The following IQCM variants were observed in gnomAD, a reference collection of about 807,000 sequenced individuals.
IQCM encodes IQ motif containing M.
In IQCM, 45 loss-of-function variants were observed where a neutral mutation model predicts 57.6. That is an observed-to-expected ratio of 0.78 (90% CI 0.62 to 1.00). The LOEUF (loss-of-function observed/expected upper bound fraction) is 1.00. IQCM is among the 50% of genes least tolerant of loss of function. The pLI is 0.00. For synonymous variants in IQCM, 148 were observed against 158.9 expected (o/e 0.93, Z 0.51); for missense variants, 468 against 511.6 (o/e 0.91, Z 0.82).
intron 9 of IQCM, among the ~76,000 whole-genome samples, chr4:149,565,578 C>A (rs1316402047): frequency 6.6e-6 from 1 of 152,094 alleles, no homozygotes; most frequent in Non-Finnish European, 1.5e-5. Context: ...GAGAAAATTT[C>A]CCACCCACTA....
chr4:149,617,909 A>C (rs1755944197), intron 8 of IQCM, among the ~76,000 whole-genome samples: 1 of 152,202 alleles, frequency 6.6e-6, no homozygotes, highest in Admixed American at 6.5e-5. Context: ...AAGGATAAAA[A>C]TAATTTAAAT....
chr4:149,442,674 T>C (rs1228360138), intron 12 of IQCM, among the ~76,000 whole-genome samples: 1 of 152,008 alleles, frequency 6.6e-6, no homozygotes, highest in Non-Finnish European at 1.5e-5. Flanking sequence ...AACAGTCTGT[T>C]TATAATTAGA....
At chr4:149,744,136 A>G (rs747932345) in intron 2 of IQCM, among the ~76,000 whole-genome samples, 5 of 152,216 alleles carry the variant, frequency 3.3e-5, no homozygotes, top group African/African-American at 4.8e-5. Flanking sequence ...GCTTCTACCC[A>G]GAGCGGGGAA....
chr4:149,603,043 G>C (rs893895015), intron 8 of IQCM, among the ~76,000 whole-genome samples: 11 of 151,894 alleles, frequency 7.2e-5, no homozygotes, highest in African/African-American at 2.7e-4. Flanking sequence ...TTTTGCCAAA[G>C]CTCTGTTCAA....
At chr4:149,495,082 C>A (rs1742514555) in intron 12 of IQCM, among the ~76,000 whole-genome samples, 1 of 152,000 alleles carries the variant, frequency 6.6e-6, no homozygotes, top group Admixed American at 6.6e-5. Flanking sequence ...CAGGTTGGGA[C>A]TCAGGCATAT....
At chr4:149,525,410 A>T (rs1284973937) in intron 12 of IQCM, among the ~76,000 whole-genome samples, 2 of 151,948 alleles carry the variant, frequency 1.3e-5, no homozygotes, top group Non-Finnish European at 2.9e-5. Flanking sequence ...GATTGAATCA[A>T]GCAGTCAATC....
chr4:149,724,798 A>G (rs564572255), intron 5 of IQCM, among the ~76,000 whole-genome samples: 22 of 152,174 alleles, frequency 1.4e-4, no homozygotes, highest in Admixed American at 3.9e-4. Context: ...ATAGTACTAC[A>G]TGGACAAGAC....
intron 9 of IQCM, among the ~76,000 whole-genome samples, chr4:149,574,854 C>G (rs1171166854): frequency 1.3e-5 from 2 of 151,898 alleles, no homozygotes; most frequent in Non-Finnish European, 2.9e-5. Flanking sequence ...CTTATTTCGG[C>G]TGTTGTAAAA....
At chr4:149,673,457 T>G (rs1032910689) in intron 7 of IQCM, among the ~76,000 whole-genome samples, 9 of 151,556 alleles carry the variant, frequency 5.9e-5, no homozygotes, top group African/African-American at 9.7e-5. Context: ...AACAAAAAAA[T>G]GCAGGGGTTG....
chr4:149,678,915 T>A (rs1320287018), intron 7 of IQCM, among the ~76,000 whole-genome samples: 1 of 151,642 alleles, frequency 6.6e-6, no homozygotes, highest in Non-Finnish European at 1.5e-5. Flanking sequence ...AAGAGAAACC[T>A]TAAACACTGT....
At chr4:149,411,600 CAAAGG>C (rs1733387483) in intron 13 of IQCM, among the ~76,000 whole-genome samples, 1 of 151,878 alleles carries the variant, frequency 6.6e-6, no homozygotes, top group Non-Finnish European at 1.5e-5. Context: ...GAAGAAAAAG[CAAAGG>C]AAAGGAATTT....
chr4:149,712,926 C>T (rs1764684296), intron 5 of IQCM, among the ~76,000 whole-genome samples: 1 of 152,042 alleles, frequency 6.6e-6, no homozygotes, highest in Non-Finnish European at 1.5e-5. Context: ...GGTCAGGATA[C>T]AAATAAGGGG....
In IQCM at chr4:149,536,937, C is replaced by T. The variant is rs115877021; in HGVS notation, c.1228+11518G>A. 1.3e-3 allele frequency among the ~76,000 whole-genome samples: 200 copies of T among 152,118 alleles called. 1 individual carries two copies. The highest frequency in any genetic ancestry group is 4.5e-3 in the African/African-American group (186 of 41,530). Reference sequence around the variant, plus strand: ...GCCTGCTACACAAAAGTTGTCGACACCACTGCCCAAAACCTTTACATAAGT... The same window carrying T: ...GCCTGCTACACAAAAGTTGTCGACATCACTGCCCAAAACCTTTACATAAGT... On this transcript the variant is annotated intron_variant, in intron 12 of 13. Coordinates refer to ENST00000636793, the MANE Select transcript of IQCM (RefSeq NM_001363507.2).
intron 12 of IQCM, among the ~76,000 whole-genome samples, chr4:149,433,958 T>C (rs1286319723): frequency 6.6e-6 from 1 of 152,114 alleles, no homozygotes; most frequent in Non-Finnish European, 1.5e-5. Flanking sequence ...ATATTGGAAC[T>C]ACTAAAATAA....
intron 13 of IQCM, among the ~76,000 whole-genome samples, chr4:149,377,821 C>T (rs1730799127): frequency 6.6e-6 from 1 of 152,104 alleles, no homozygotes; most frequent in South Asian, 2.1e-4. Context: ...TCAGCAAATG[C>T]TAAAAATCCT....
chr4:149,390,523 A>G (rs572160140), intron 13 of IQCM, among the ~76,000 whole-genome samples: 11 of 152,084 alleles, frequency 7.2e-5, no homozygotes, highest in African/African-American at 2.6e-4. Context: ...GGGAAAAGTA[A>G]TAATTCCTTC....
rs113830906 is a variant in IQCM at position 149,378,233 on chromosome 4, T to C, written c.1391-26167A>G. 2.0e-3 allele frequency among the ~76,000 whole-genome samples: 299 copies of C among 152,120 alleles called. 1 individual carries two copies. Among genetic ancestry groups the C allele is most frequent in the Non-Finnish European group, 3.0e-3 (207 of 67,986 alleles). ...CGTGAAAATGGACTAACACAGTAAA[T>C]TGGTACCAGTAGAGTGGGGAGCTGC... On this transcript the variant is annotated intron_variant, in intron 13 of 13. Coordinates refer to ENST00000636793, the MANE Select transcript of IQCM (RefSeq NM_001363507.2).
intron 12 of IQCM, among the ~76,000 whole-genome samples, chr4:149,531,754 C>A (rs1675504411): frequency 6.6e-6 from 1 of 151,984 alleles, no homozygotes; most frequent in South Asian, 2.1e-4. Context: ...CTGAGCCCCT[C>A]AGAGGAGACT....
intron 2 of IQCM, among the ~76,000 whole-genome samples, chr4:149,762,513 AG>A (rs1157184343): frequency 2.0e-5 from 3 of 152,092 alleles, no homozygotes; most frequent in Admixed American, 6.6e-5. Context: ...TTAGGAGAGC[AG>A]GCCCTTACTT....
Sources: gnomAD v4.1 joint callset for allele counts (sites outside exome capture counted in the v4.1 genomes callset) on GRCh38, gnomAD v4.1.1 for gene constraint, MANE v1.5 for transcripts, NCBI Gene and HGNC (gene_info 2026-07-23, HGNC 2026-07-21) for gene names.